Variants in MTTP observed in about 807,000 individuals in gnomAD.
MTTP encodes microsomal triglyceride transfer protein large subunit.
Under a neutral mutation model 90.6 loss-of-function variants are expected in MTTP, and 49 were observed. The observed-to-expected ratio is 0.54, with a 90% CI of 0.43 to 0.69. The LOEUF is 0.69. MTTP is among the 30% of genes least tolerant of loss of function. The pLI, the probability that MTTP is intolerant of heterozygous loss-of-function variation, is 0.00. For missense variants in MTTP, 945 were observed against 1,067.5 expected (o/e 0.89, Z 1.60); for synonymous variants, 347 against 384.2 (o/e 0.90, Z 1.13).
chr4:99,579,677 A>AC (rs1183679525), intron 1 of MTTP, among the ~76,000 whole-genome samples: 1 of 152,068 alleles, frequency 6.6e-6, no homozygotes, highest in East Asian at 1.9e-4. Flanking sequence ...ATTTAAATGT[A>AC]CCTTCCAATT....
chr4:99,608,937 G>A lies in MTTP; in HGVS notation c.1729G>A (p.Ala577Thr), dbSNP rs1368249156. Residue 577 changes from alanine to threonine, a missense_variant, in exon 12 of 18, where the codon GCC becomes ACC. Transcript: ENST00000265517. ...CCAAGAAATGAATAAATACATGCTC[G>A]CCATTGTTCAAGACATCCTACGTTT... ...LPQEMNKYML[A>T]IVQDILRFEM... 12 of 1,614,056 alleles carry A rather than the reference G, an allele frequency of 7.4e-6. No individual in the cohort carries two copies. Among genetic ancestry groups the A allele is most frequent in the Non-Finnish European group, 5.1e-6 (6 of 1,179,994 alleles).
intron 8 of MTTP, 97 bp from the exon 9 acceptor site, chr4:99,600,468 A>G: frequency 7.9e-7 from 1 of 1,270,626 alleles, no homozygotes; most frequent in Non-Finnish European, 1.1e-6. Context: ...TCACTTCTTG[A>G]GAAAACTCAA....
rs921093926 is a variant in MTTP at position 99,605,582 on chromosome 4, G to T, written c.1345-1166G>T. Among the ~76,000 whole-genome samples the T allele has an allele frequency of 2.0e-5, 3 of 152,136 alleles. No homozygotes were observed. In the East Asian group the frequency reaches 5.8e-4, roughly 29 times the overall value. ...GCTATTGTTGAGATGTAGCTTCAGG[G>T]ATAGAGTTGCTGGTCAAAAAGCAGT... On this transcript the variant is annotated intron_variant, in intron 10 of 17. Coordinates refer to ENST00000265517, the MANE Select transcript of MTTP (RefSeq NM_001386140.1).
chr4:99,578,801 T>G (rs1481129844), intron 1 of MTTP, among the ~76,000 whole-genome samples: 1 of 152,192 alleles, frequency 6.6e-6, no homozygotes, highest in African/African-American at 2.4e-5. Flanking sequence ...ATTTGCTATG[T>G]TGGGTTGAAC....
Position 99,591,810 on chromosome 4 carries a change from T to G in MTTP, c.758+20T>G. ...ATCGAAGTAAGATAATGCTAAAATT[T>G]TTATTTTCTTTGCTATTCTTTGTTA... On this transcript the variant is annotated intron_variant, in intron 6 of 17. Transcript: ENST00000265517. The G allele has an allele frequency of 6.3e-7, 1 of 1,580,234 alleles. No individual in the cohort carries two copies. Among genetic ancestry groups the G allele is most frequent in the Non-Finnish European group, 8.7e-7 (1 of 1,152,678 alleles).
rs1303844135 is a variant in MTTP, at chr4:99,569,122, T to C, written c.-102+4885T>C. Among the ~76,000 whole-genome samples, 4 of 152,250 alleles carry C rather than the reference T, an allele frequency of 2.6e-5. No individual in the cohort carries two copies. In the East Asian group the frequency reaches 5.8e-4, roughly 22 times the overall value. ...GCCAGGTGATCAAAGTCAATGTAAA[T>C]AGAGATAAATCATGTTGATATTATG... On this transcript the variant is annotated intron_variant, in intron 1 of 18. Coordinates refer to the MTTP transcript ENST00000457717.
upstream of MTTP, among the ~76,000 whole-genome samples, chr4:99,573,864 A>G (rs1457085847): frequency 6.6e-6 from 1 of 152,112 alleles, no homozygotes; most frequent in Non-Finnish European, 1.5e-5. Context: ...CAGGCGGCCT[A>G]AGTCACCTCA....
chr4:99,576,680 G>A (rs1377101967), intron 1 of MTTP, among the ~76,000 whole-genome samples: 1 of 120,278 alleles, frequency 8.3e-6, no homozygotes, highest in Non-Finnish European at 1.6e-5. Flanking sequence ...GGGCGACAGA[G>A]CGAGACTCCG....
chr4:99,603,258 A>G (rs1578248157), intron 10 of MTTP, among the ~76,000 whole-genome samples: 1 of 152,126 alleles, frequency 6.6e-6, no homozygotes, highest in East Asian at 1.9e-4. Flanking sequence ...AGATGGGAAA[A>G]GAGATGGAAG....
chr4:99,591,655 TG>T lies in MTTP; in HGVS notation c.626del (p.Gly209ValfsTer14). The T allele has an allele frequency of 6.2e-7, 1 of 1,612,038 alleles. No homozygotes were observed. Among genetic ancestry groups the T allele is most frequent in the Non-Finnish European group, 8.5e-7 (1 of 1,178,406 alleles). ...GATGGCTATTTATTTATTTAGGTCT[TG>T]GGTGTCAGTTCAAAAGCTACATCTG... is the stretch of plus-strand genomic sequence containing the variant. ...RSGFTTPNQV[L>X]GVSSKATSVT... On this transcript the variant is annotated frameshift_variant, in exon 6 of 18. Coordinates refer to ENST00000265517, the MANE Select transcript of MTTP (RefSeq NM_001386140.1). LOFTEE classifies it high-confidence loss of function.
intron 1 of MTTP, among the ~76,000 whole-genome samples, chr4:99,581,144 G>A (rs1427729625): frequency 1.3e-5 from 2 of 152,170 alleles, no homozygotes; most frequent in African/African-American, 4.8e-5. Context: ...CTCTGGGAAA[G>A]ACTTGCTCCT....
At chr4:99,568,845 ATAAAT>A (rs1724767925) in intron 1 of MTTP, among the ~76,000 whole-genome samples, 1 of 152,186 alleles carries the variant, frequency 6.6e-6, no homozygotes, top group African/African-American at 2.4e-5. Context: ...AACCCAAAGT[ATAAAT>A]TAAATATCCA....
chr4:99,620,704 A>G (rs1022637212), intron 16 of MTTP, among the ~76,000 whole-genome samples: 3 of 152,230 alleles, frequency 2.0e-5, no homozygotes, highest in Non-Finnish European at 2.9e-5. Flanking sequence ...CTCCATTTTA[A>G]TATAACTTGG....
At position 99,577,561 on chromosome 4, in the gene MTTP, C is replaced by G. The variant is rs184202543; in HGVS notation, c.61+2591C>G. On this transcript the variant is annotated intron_variant, in intron 1 of 17. Transcript: ENST00000265517. The stretch of plus-strand genomic sequence containing the variant: ...TGGAGGTTGCAGTGAGCTGAGATCA[C>G]ACCATTGCACTCCAGCCTGGGCAAT... Among the ~76,000 whole-genome samples the G allele has an allele frequency of 1.6e-4, 22 of 136,860 alleles. 1 individual carries two copies. In the East Asian group the frequency reaches 4.8e-3, roughly 30 times the overall value. 89.8% of individuals were successfully genotyped at this position (136,860 alleles called of 152,430 possible).
chr4:99,601,858 C>A, intron 10 of MTTP, 144 bp downstream of exon 10: 1 of 675,692 alleles, frequency 1.5e-6, no homozygotes, highest in Non-Finnish European at 2.7e-6. Context: ...TGCCATCTAA[C>A]ATATATTAAA....
intron 12 of MTTP, among the ~76,000 whole-genome samples, chr4:99,610,598 G>A (rs902459808): frequency 6.6e-6 from 1 of 152,170 alleles, no homozygotes; most frequent in African/African-American, 2.4e-5. Flanking sequence ...TGGACGCAAT[G>A]GGGTAAGGAT....
chr4:99,621,330 A>C, intron 17 of MTTP, 99 bp downstream of exon 17: 1 of 1,401,528 alleles, frequency 7.1e-7, no homozygotes, highest in Non-Finnish European at 1.0e-6. Context: ...AAAACAAAAC[A>C]GTAGAAACCC....
chr4:99,583,270 T>C, intron 2 of MTTP, 104 bp from the exon 3 acceptor site: 1 of 1,273,186 alleles, frequency 7.9e-7, no homozygotes, highest in Non-Finnish European at 1.1e-6. Context: ...CAGAAGAAAT[T>C]GTGGCCAACT....
intron 4 of MTTP, 93 bp from the exon 5 acceptor site, chr4:99,591,142 C>G (rs1173991414): frequency 1.1e-6 from 1 of 900,702 alleles, no homozygotes. Flanking sequence ...CCCCTATGGC[C>G]TATTAGAGAC....
Sources: gnomAD v4.1 joint callset for allele counts (sites outside exome capture counted in the v4.1 genomes callset) on GRCh38, gnomAD v4.1.1 for gene constraint, MANE v1.5 for transcripts, NCBI Gene and HGNC (gene_info 2026-07-23, HGNC 2026-07-21) for gene names.